The following PITPNA variants were observed in gnomAD, a reference collection of about 807,000 sequenced individuals.
PITPNA encodes the protein phosphatidylinositol transfer protein alpha, also known as phosphatidylinositol transfer protein alpha isoform.
A neutral mutation model predicts 50.3 loss-of-function variants in PITPNA; 13 were observed. The ratio of observed to expected loss-of-function variants is 0.26; its 90% CI spans 0.17 to 0.41. The LOEUF is 0.41. Ranked by LOEUF, PITPNA falls within the 10% of genes least tolerant of loss-of-function variation. The probability of loss-of-function intolerance (pLI) is 1.00; values close to 1 mark genes in which losing one functional copy is unlikely to be tolerated. For synonymous variants in PITPNA, 120 were observed against 119.6 expected, an observed-to-expected ratio of 1.00 and a Z score of -0.02; for missense variants, 207 against 333.4, an observed-to-expected ratio of 0.62 and a Z score of 2.95.
At chr17:1,532,691 G>T (rs1010355292) in intron 10 of PITPNA, among the ~76,000 whole-genome samples, 4 of 152,112 alleles carry the variant, frequency 2.6e-5, no homozygotes, top group Non-Finnish European at 1.5e-5. Context: ...CAGGACTAGG[G>T]TGACCAAAAG....
intron 2 of PITPNA, 85 bp from the exon 3 acceptor site, chr17:1,553,234 G>A: frequency 6.9e-7 from 1 of 1,456,468 alleles, no homozygotes; most frequent in South Asian, 1.2e-5. Flanking sequence ...GTGTCTAACT[G>A]GATCTCCCTG....
rs151128097 is a variant in PITPNA, at chr17:1,533,407, G to A, written c.768+692C>T. 4.1e-3 allele frequency among the ~76,000 whole-genome samples: 627 copies of A among 152,198 alleles called. 8 individuals carry two copies. Among genetic ancestry groups the A allele is most frequent in the African/African-American group, 0.014 (580 of 41,514 alleles). The stretch of plus-strand genomic sequence containing the variant: ...ATCTGAGGGTAGGGAGAGCAGCAGC[G>A]CCTCCTCATGGGGTATCGTGAAGAC... On this transcript the variant is annotated intron_variant, in intron 10 of 11. Coordinates refer to ENST00000313486, the MANE Select transcript of PITPNA (RefSeq NM_006224.4).
chr17:1,562,510 C>G lies in PITPNA; in HGVS notation c.20+31G>C. ...GGCGGCCGTCCCCACCCTCCCTCCT[C>G]CCCGCTTCCGCACGGCCGCCGGACA... On this transcript the variant is annotated intron_variant, in intron 1 of 11. Transcript: ENST00000313486. The surrounding 1 kb of genome is among the most constrained non-coding windows in gnomAD (Gnocchi z 6.4). The G allele has an allele frequency of 7.0e-7, 1 of 1,423,084 alleles. No homozygotes were observed. The highest frequency in any genetic ancestry group is 9.3e-7 in the Non-Finnish European group (1 of 1,080,068). 88.2% of individuals were successfully genotyped at this position (1,423,084 alleles called of 1,614,324 possible).
At chr17:1,556,586 A>T (rs952467352) in intron 2 of PITPNA, among the ~76,000 whole-genome samples, 1 of 152,106 alleles carries the variant, frequency 6.6e-6, no homozygotes, top group Non-Finnish European at 1.5e-5. Context: ...TCGTTCCATC[A>T]AGAAACTCCC....
At chr17:1,525,643 C>T (rs999089328) in intron 10 of PITPNA, among the ~76,000 whole-genome samples, 3 of 151,740 alleles carry the variant, frequency 2.0e-5, no homozygotes, top group Non-Finnish European at 4.4e-5. Context: ...CTCAAACTCC[C>T]GAGTAGCTGG....
At chr17:1,549,537 C>T (rs2075697329) in intron 3 of PITPNA, among the ~76,000 whole-genome samples, 1 of 144,330 alleles carries the variant, frequency 6.9e-6, no homozygotes, top group African/African-American at 2.6e-5. Flanking sequence ...AGGATGGTCT[C>T]AATCTCCTGA....
At chr17:1,549,198 G>A (rs533787266) in intron 3 of PITPNA, among the ~76,000 whole-genome samples, 294 of 150,430 alleles carry the variant, frequency 2.0e-3, no homozygotes, top group Admixed American at 6.2e-3. Flanking sequence ...GAGCCACCGC[G>A]CCCGGTCTCT....
intron 10 of PITPNA, among the ~76,000 whole-genome samples, chr17:1,522,455 C>G (rs1205685212): frequency 6.6e-6 from 1 of 152,158 alleles, no homozygotes; most frequent in African/African-American, 2.4e-5. Flanking sequence ...TTACTGCAAC[C>G]TCTGCCTCCT....
intron 10 of PITPNA, among the ~76,000 whole-genome samples, chr17:1,531,323 A>G (rs2075581579): frequency 6.6e-6 from 1 of 152,070 alleles, no homozygotes; most frequent in East Asian, 1.9e-4. Context: ...CCTGAGGTAG[A>G]GGTTCCCGCC....
chr17:1,561,989 C>A (rs2075770855), intron 1 of PITPNA, among the ~76,000 whole-genome samples: 1 of 152,140 alleles, frequency 6.6e-6, no homozygotes, highest in Non-Finnish European at 1.5e-5. Flanking sequence ...CGGGGCCTCT[C>A]AGCGCCGCCT....
chr17:1,548,528 T>A, intron 3 of PITPNA, 141 bp from the exon 4 acceptor site: 1 of 598,390 alleles, frequency 1.7e-6, no homozygotes, highest in Non-Finnish European at 2.9e-6. Context: ...AGTGAGAAGT[T>A]ACGTATGAGA....
intron 7 of PITPNA, among the ~76,000 whole-genome samples, chr17:1,537,917 C>T (rs1598407779): frequency 6.6e-6 from 1 of 152,246 alleles, no homozygotes; most frequent in Non-Finnish European, 1.5e-5. Flanking sequence ...TCTCTTGCCT[C>T]AGCCTCCCAA....
At chr17:1,552,655 G>A (rs2075715599) in intron 3 of PITPNA, among the ~76,000 whole-genome samples, 1 of 152,152 alleles carries the variant, frequency 6.6e-6, no homozygotes. Flanking sequence ...AGTTTTACTG[G>A]ATTATGTAGG....
intron 2 of PITPNA, among the ~76,000 whole-genome samples, chr17:1,554,542 G>A (rs371007680): frequency 1.3e-5 from 2 of 151,762 alleles, no homozygotes; most frequent in South Asian, 4.2e-4. Flanking sequence ...CAGGGACTGG[G>A]TTTTTCTCTC....
chr17:1,562,536 C>T lies in PITPNA; in HGVS notation c.20+5G>A. 7.0e-7 allele frequency: 1 copy of T among 1,436,612 alleles called. No homozygotes were observed. The highest frequency in any genetic ancestry group is 3.0e-5 in the East Asian group (1 of 33,254). 89.0% of individuals were successfully genotyped at this position (1,436,612 alleles called of 1,614,324 possible). A position where few individuals can be genotyped will look rare whatever the true frequency, so the allele number is the denominator to read the frequency against. ...CCCGCTTCCGCACGGCCGCCGGACACTCACTACTCCTTGAGCAGCACCATG... is the reference window on the plus strand; with the variant it reads ...CCCGCTTCCGCACGGCCGCCGGACATTCACTACTCCTTGAGCAGCACCATG... On this transcript the variant is annotated splice_donor_5th_base_variant and intron_variant, in intron 1 of 11. Transcript: ENST00000313486. This position sits in a 1 kb window ranked among gnomAD's most constrained non-coding sequence, Gnocchi z 6.4.
chr17:1,556,643 C>G (rs1352940250), intron 2 of PITPNA, among the ~76,000 whole-genome samples: 1 of 152,164 alleles, frequency 6.6e-6, no homozygotes, highest in Non-Finnish European at 1.5e-5. Flanking sequence ...AAGGAAATCC[C>G]GAGTTCCTGG....
intron 10 of PITPNA, among the ~76,000 whole-genome samples, chr17:1,530,813 T>C (rs2075577267): frequency 6.6e-6 from 1 of 152,206 alleles, no homozygotes; most frequent in Admixed American, 6.5e-5. Flanking sequence ...GAAGAGTCAG[T>C]AGCTAATTTG....
intron 2 of PITPNA, among the ~76,000 whole-genome samples, chr17:1,554,959 C>T (rs936757626): frequency 6.6e-6 from 1 of 152,178 alleles, no homozygotes; most frequent in Non-Finnish European, 1.5e-5. Context: ...TGTGCCTCTC[C>T]AAGTCCACCA....
rs1355440034 is a variant in PITPNA, at chr17:1,535,674, G to A, written c.457-156C>T. 3 of 641,942 alleles carry A rather than the reference G, an allele frequency of 4.7e-6. No homozygotes were observed. In the African/African-American group the frequency reaches 5.4e-5, roughly 12 times the overall value. 39.8% of individuals were successfully genotyped at this position (641,942 alleles called of 1,614,324 possible). On this transcript the variant is annotated intron_variant, in intron 7 of 11. Coordinates refer to ENST00000313486, the MANE Select transcript of PITPNA (RefSeq NM_006224.4). Reference sequence around the variant, plus strand: ...AATGTTATAAACAAGATGTAGAACTGTTTACATTAGCCTCAGAGGAGAGTT... The same window carrying A: ...AATGTTATAAACAAGATGTAGAACTATTTACATTAGCCTCAGAGGAGAGTT...
Sources: allele counts gnomAD v4.1 joint callset (sites outside exome capture counted in the v4.1 genomes callset), GRCh38; gene constraint gnomAD v4.1.1; non-coding constraint Gnocchi (gnomAD v3.1); transcripts MANE v1.5; gene names NCBI Gene and HGNC (gene_info 2026-07-23, HGNC 2026-07-21).